Variants in YPEL5 observed in about 807,000 individuals in gnomAD.
The protein encoded by YPEL5 is yippee like 5.
In YPEL5, 1 loss-of-function variant was observed where a neutral mutation model predicts 10.5. The observed-to-expected ratio is 0.10, with a 90% CI of 0.03 to 0.45. The LOEUF (loss-of-function observed/expected upper bound fraction) is 0.45, where lower values mean the gene tolerates loss of function less well. YPEL5 is among the 20% of genes least tolerant of loss of function. The pLI, the probability that YPEL5 is intolerant of heterozygous loss-of-function variation, is 0.97. For synonymous variants in YPEL5, 61 were observed against 56.6 expected (o/e 1.08, Z -0.35); for missense variants, 68 against 159.3 (o/e 0.43, Z 3.09).
chr2:30,156,514 T>G, intron 1 of YPEL5, 114 bp from the exon 2 acceptor site: 2 of 1,004,024 alleles, frequency 2.0e-6, no homozygotes, highest in Admixed American at 4.6e-5. Context: ...CATCGAGTAC[T>G]ACAAAGCAGA....
Position 30,156,661 on chromosome 2 carries a change from A to G in YPEL5, c.10A>G (p.Ile4Val). 6.2e-7 allele frequency: 1 copy of G among 1,613,776 alleles called. No homozygotes were observed. The highest frequency in any genetic ancestry group is 8.5e-7 in the Non-Finnish European group (1 of 1,179,872). The part of the protein sequence containing the change: MGR[I>V]FLDHIGGTRL... ...AACTTCAGCCATAAAAATGGGCAGA[A>G]TTTTCCTTGATCATATCGGTGGTAC... The change falls in exon 2 of 3, where the codon ATT (isoleucine) becomes GTT (valine). Residue 4 changes from isoleucine (I) to valine (V), a missense_variant. This residue lies in a region of YPEL5 where 48 missense variants were observed against 138.4 expected (regional missense o/e 0.35). Transcript: ENST00000261353.
chr2:30,158,239 T>C (rs1676126346), intron 2 of YPEL5, among the ~76,000 whole-genome samples: 1 of 152,242 alleles, frequency 6.6e-6, no homozygotes, highest in African/African-American at 2.4e-5. Flanking sequence ...TAGGTTCTTT[T>C]ACATGGATTG....
intron 1 of YPEL5, among the ~76,000 whole-genome samples, 192 bp downstream of exon 1, chr2:30,147,254 G>C (rs1245768620): frequency 6.6e-6 from 1 of 151,912 alleles, no homozygotes; most frequent in Non-Finnish European, 1.5e-5. Flanking sequence ...CCCCGGCGCT[G>C]GGACCGCGGG....
intron 1 of YPEL5, chr2:30,148,647 G>A (rs1222045465): frequency 1.3e-5 from 2 of 152,222 alleles, no homozygotes; most frequent in South Asian, 2.1e-4. Flanking sequence ...GTTATGAGAC[G>A]TTAGTAAAAT....
At chr2:30,152,821 A>T (rs531262098) in intron 1 of YPEL5, among the ~76,000 whole-genome samples, 211 of 151,348 alleles carry the variant, frequency 1.4e-3, no homozygotes, top group African/African-American at 4.7e-3. Context: ...TCAATATGTT[A>T]TTCAGGTCCA....
Sources: gnomAD v4.1 joint callset for allele counts (sites outside exome capture counted in the v4.1 genomes callset) on GRCh38, gnomAD v4.1.1 for gene constraint, gnomAD v4.1.1 regional missense constraint, MANE v1.5 for transcripts, NCBI Gene and HGNC (gene_info 2026-07-23, HGNC 2026-07-21) for gene names.